Variants in SYNRG observed in about 807,000 individuals in gnomAD.
SYNRG encodes the protein AP1 gamma subunit binding protein 1.
Under a neutral mutation model 130.9 loss-of-function variants are expected in SYNRG, and 37 were observed. That is an observed-to-expected ratio of 0.28 (90% confidence interval 0.22 to 0.37). The LOEUF is 0.37. Ranked by LOEUF, SYNRG falls within the 10% of genes least tolerant of loss-of-function variation. The probability of loss-of-function intolerance (pLI) is 1.00; values close to 1 mark genes in which losing one functional copy is unlikely to be tolerated. For synonymous variants in SYNRG, 539 were observed against 568.1 expected (o/e 0.95, Z 0.73); for missense variants, 1,338 against 1,588.9 (o/e 0.84, Z 2.68).
intron 3 of SYNRG, among the ~76,000 whole-genome samples, chr17:37,593,354 A>T (rs1212786634): frequency 2.0e-5 from 3 of 152,130 alleles, no homozygotes; most frequent in South Asian, 2.1e-4. Context: ...CAGAAGTTGC[A>T]GTGAGCCGAG....
chr17:37,561,201 G>T lies in SYNRG; in HGVS notation c.1657C>A (p.Pro553Thr), dbSNP rs1459872585. The change falls in exon 13 of 22, where the codon CCT becomes ACT. Residue 553 changes from proline (P) to threonine (T), a missense_variant. Physicochemically the swap from Pro to Thr is conservative, Grantham distance 38 (BLOSUM62 -1). Transcript: ENST00000612223. Reference sequence around the variant, plus strand: ...TGAGGACTCAAAAACTTACCTAAAGGTTTATTCTCTGCTGTCTGTTCAAGT... The same window carrying T: ...TGAGGACTCAAAAACTTACCTAAAGTTTTATTCTCTGCTGTCTGTTCAAGT... The part of the protein sequence containing the change: ...RELEQTAENK[P>T]LGESFAEFRS... 2 of 1,612,812 alleles carry T rather than the reference G, an allele frequency of 1.2e-6. No homozygotes were observed. Among genetic ancestry groups the T allele is most frequent in the South Asian group, 1.1e-5 (1 of 90,908 alleles).
chr17:37,545,410 TTTTCCTAG>T (rs1314294357), intron 14 of SYNRG, among the ~76,000 whole-genome samples: 1 of 151,964 alleles, frequency 6.6e-6, no homozygotes, highest in Non-Finnish European at 1.5e-5. Context: ...AAGGAGACAA[TTTTCCTAG>T]AAGCAAATGA....
Position 37,581,557 on chromosome 17 carries a change from C to T in SYNRG, c.589+3091G>A, listed in dbSNP as rs922206886. Among the ~76,000 whole-genome samples, 4 of 152,090 alleles carry T rather than the reference C, an allele frequency of 2.6e-5. No individual in the cohort carries two copies. In the East Asian group the frequency reaches 5.8e-4, roughly 22 times the overall value. On this transcript the variant is annotated intron_variant, in intron 6 of 21. Coordinates refer to ENST00000612223, the MANE Select transcript of SYNRG (RefSeq NM_007247.6). ...TCTCCCAAAGTGTTGGGATTATAGG[C>T]GTGAGCCACCACGCCTTACCTTGTT...
intron 13 of SYNRG, among the ~76,000 whole-genome samples, chr17:37,559,305 T>C (rs930112005): frequency 1.2e-4 from 19 of 152,128 alleles, no homozygotes; most frequent in Non-Finnish European, 1.0e-4. Context: ...TTCTAGAATA[T>C]TTTCTTTCTA....
At chr17:37,603,419 A>G (rs1295359616) in intron 1 of SYNRG, among the ~76,000 whole-genome samples, 3 of 152,216 alleles carry the variant, frequency 2.0e-5, no homozygotes, top group Admixed American at 6.5e-5. Context: ...GAAAGTTTTC[A>G]ATTTACTGTG....
intron 9 of SYNRG, 36 bp downstream of exon 9, chr17:37,571,755 A>G (rs2060450254): frequency 6.5e-7 from 1 of 1,547,182 alleles, no homozygotes; most frequent in African/African-American, 1.4e-5. Flanking sequence ...TTATATTAAT[A>G]AAGTTATTTG....
intron 1 of SYNRG, chr17:37,601,044 A>C (rs2063226851): frequency 6.6e-6 from 1 of 152,382 alleles, no homozygotes; most frequent in South Asian, 2.1e-4. Flanking sequence ...CAGATTGTAC[A>C]GGGCCTTTAT....
chr17:37,539,108 C>T, intron 17 of SYNRG, 84 bp downstream of exon 17: 1 of 1,587,938 alleles, frequency 6.3e-7, no homozygotes, highest in Non-Finnish European at 8.6e-7. Context: ...TGAAGTTTGC[C>T]TCTGTCAATT....
In SYNRG at chr17:37,535,964, G is replaced by A; in HGVS notation, c.3666+15C>T. On this transcript the variant is annotated intron_variant, in intron 19 of 21. Coordinates refer to ENST00000612223, the MANE Select transcript of SYNRG (RefSeq NM_007247.6). The stretch of plus-strand genomic sequence containing the variant: ...TGGAAAGGAAAGCAACTGCTGAGTT[G>A]TCTCATGGGCTTACTGTGAGTGTGG... 1.9e-6 allele frequency: 3 copies of A among 1,613,174 alleles called. No homozygotes were observed. The highest frequency in any genetic ancestry group is 1.7e-6 in the Non-Finnish European group (2 of 1,180,010).
Position 37,553,379 on chromosome 17 carries a change from T to C in SYNRG, c.2344A>G (p.Ser782Gly), listed in dbSNP as rs746112988. 5 of 1,614,098 alleles carry C rather than the reference T, an allele frequency of 3.1e-6. No individual in the cohort carries two copies. The highest frequency in any genetic ancestry group is 2.2e-5 in the South Asian group (2 of 91,090). The change falls in exon 14 of 22, where the codon AGT becomes GGT. Residue 782 changes from serine (S) to glycine (G), a missense_variant. This residue lies in a region of SYNRG where 1,146 missense variants were observed against 1,342.3 expected (regional missense o/e 0.85). Coordinates refer to ENST00000612223, the MANE Select transcript of SYNRG (RefSeq NM_007247.6). ...SDDDFADFHS[S>G]KFSSINSDKS... is the part of the protein sequence containing the mutation. ...TCCGAGTTTATGGAAGAAAATTTAC[T>C]GGAGTGGAAGTCAGCAAAATCATCA...
intron 14 of SYNRG, among the ~76,000 whole-genome samples, chr17:37,552,798 C>CT (rs968664655): frequency 2.0e-5 from 3 of 152,176 alleles, no homozygotes; most frequent in Non-Finnish European, 4.4e-5. Flanking sequence ...CTGCAAAGGT[C>CT]TTTATCAAAT....
intron 7 of SYNRG, 127 bp downstream of exon 7, chr17:37,577,251 AAT>A (rs2060909696): frequency 1.2e-6 from 1 of 804,148 alleles, no homozygotes; most frequent in Non-Finnish European, 2.0e-6. Context: ...GAATGCATTA[AAT>A]ATATTTCAAG....
At chr17:37,567,807 T>C (rs1330412202) in intron 11 of SYNRG, 2 of 152,224 alleles carry the variant, frequency 1.3e-5, no homozygotes, top group Admixed American at 6.5e-5. Flanking sequence ...ACATGGAATA[T>C]GTATTCTGAC....
chr17:37,522,156 C>CACACACACACACACACACACA (rs1002250003), intron 19 of SYNRG, among the ~76,000 whole-genome samples: 1 of 151,758 alleles, frequency 6.6e-6, no homozygotes, highest in Non-Finnish European at 1.5e-5. Flanking sequence ...CACACACACA[C>CACACACACACACACACACACA]AATGGTTAAA....
At chr17:37,541,416 G>T in intron 15 of SYNRG, 1 of 217,186 alleles carries the variant, frequency 4.6e-6, no homozygotes, top group Non-Finnish European at 7.9e-6. Flanking sequence ...GTGCTCTTCG[G>T]CTCCAGCTGC....
chr17:37,520,713 C>A, intron 19 of SYNRG, 65 bp from the exon 20 acceptor site: 2 of 1,336,676 alleles, frequency 1.5e-6, no homozygotes, highest in South Asian at 1.2e-5. Flanking sequence ...ACTTCACTCC[C>A]TCATCACTCA....
intron 8 of SYNRG, 70 bp downstream of exon 8, chr17:37,576,271 T>A: frequency 6.7e-7 from 1 of 1,493,188 alleles, no homozygotes; most frequent in Non-Finnish European, 9.3e-7. Flanking sequence ...CAGTAAATAT[T>A]TACAACTACA....
chr17:37,535,708 T>TC (rs2057124404), intron 19 of SYNRG, among the ~76,000 whole-genome samples: 1 of 152,166 alleles, frequency 6.6e-6, no homozygotes. Flanking sequence ...TTGCAAAACT[T>TC]CCGTGTATTA....
Position 37,572,352 on chromosome 17 carries a change from C to T in SYNRG, c.902-365G>A, listed in dbSNP as rs189941064. On this transcript the variant is annotated intron_variant, in intron 8 of 21. Coordinates refer to ENST00000612223, the MANE Select transcript of SYNRG (RefSeq NM_007247.6). Reference sequence around the variant, plus strand: ...TGAGGCAGGAGAATCACTTGAACCCCGAGACAAAGGTTGCAGTGAGCTAAG... The same window carrying T: ...TGAGGCAGGAGAATCACTTGAACCCTGAGACAAAGGTTGCAGTGAGCTAAG... Among the ~76,000 whole-genome samples the T allele has an allele frequency of 2.7e-4, 41 of 151,482 alleles. No individual in the cohort carries two copies. The East Asian group carries it at 7.2e-3, about 26-fold the overall frequency.
Sources: gnomAD v4.1 joint callset for allele counts (sites outside exome capture counted in the v4.1 genomes callset) on GRCh38, gnomAD v4.1.1 for gene constraint, gnomAD v4.1.1 regional missense constraint, MANE v1.5 for transcripts, NCBI Gene and HGNC (gene_info 2026-07-23, HGNC 2026-07-21) for gene names.